DLG1: variants seen among roughly 807,000 people sequenced by gnomAD.
DLG1 encodes discs large MAGUK scaffold protein 1, also known as disks large homolog 1.
DLG1 carries 42 observed loss-of-function variants against 123.4 expected under a neutral mutation model. The observed-to-expected ratio is 0.34, with a 90% CI of 0.27 to 0.44. The LOEUF (loss-of-function observed/expected upper bound fraction) is 0.44, where lower values mean the gene tolerates loss of function less well. DLG1 is among the 20% of genes least tolerant of loss of function. The probability of loss-of-function intolerance (pLI) is 1.00; values close to 1 mark genes in which losing one functional copy is unlikely to be tolerated. For synonymous variants in DLG1, 317 were observed against 356.2 expected (o/e 0.89, Z 1.24); for missense variants, 942 against 1,082.6 (o/e 0.87, Z 1.82).
rs983465160 is a variant in DLG1, at chr3:197,081,073, T to C, written c.1883A>G (p.Asn628Ser). Reference protein sequence around the residue: ...ERARLKTVKFNSKTRDKGQSF... With the variant: ...ERARLKTVKFSSKTRDKGQSF... ...CACCCCTTTATCTCTCGTTTTAGAA[T>C]TGAATTTCACTGTTTTTAATCGGGC... Residue 628 changes from asparagine to serine, a missense_variant, in exon 17 of 25, where the codon AAT (asparagine) becomes AGT (serine). Physicochemically the swap from Asn to Ser is conservative, Grantham distance 46 (BLOSUM62 1). Transcript: ENST00000667157. 5 of 1,613,296 alleles carry C rather than the reference T, an allele frequency of 3.1e-6. No homozygotes were observed. Among genetic ancestry groups the C allele is most frequent in the Non-Finnish European group, 2.5e-6 (3 of 1,179,622 alleles).
chr3:197,115,914 T>C lies in DLG1; in HGVS notation c.1443+13A>G. The C allele has an allele frequency of 6.2e-7, 1 of 1,606,566 alleles. No homozygotes were observed. The stretch of plus-strand genomic sequence containing the variant: ...AAAATAACAAAAACGTGATCTTGAC[T>C]AACGTGTCTTACCGATATAATACGA... On this transcript the variant is annotated intron_variant, in intron 13 of 24. Coordinates refer to ENST00000667157, the MANE Select transcript of DLG1 (RefSeq NM_001366207.1).
At chr3:197,224,030 C>T (rs943790331) in intron 4 of DLG1, among the ~76,000 whole-genome samples, 1 of 152,140 alleles carries the variant, frequency 6.6e-6, no homozygotes, top group African/African-American at 2.4e-5. Context: ...CAAAATAACC[C>T]ACTTCTTTTT....
At chr3:197,204,921 C>T (rs530809496) in intron 4 of DLG1, among the ~76,000 whole-genome samples, 2 of 152,134 alleles carry the variant, frequency 1.3e-5, no homozygotes, top group East Asian at 1.9e-4. Context: ...TAAAAATCCC[C>T]GAAACCACTG....
In DLG1 at chr3:197,171,370, C is replaced by T. The variant is rs529665876; in HGVS notation, c.484-21574G>A. Reference sequence around the variant, plus strand: ...GCAAACAGGTATCTTTCACATAAGCCGGTATAGTAAAAAACCAACAATATG... The same window carrying T: ...GCAAACAGGTATCTTTCACATAAGCTGGTATAGTAAAAAACCAACAATATG... On this transcript the variant is annotated intron_variant, in intron 5 of 24. Transcript: ENST00000667157. 3.9e-5 allele frequency among the ~76,000 whole-genome samples: 6 copies of T among 152,174 alleles called. No homozygotes were observed. The South Asian group carries it at 6.2e-4, about 16-fold the overall frequency.
intron 11 of DLG1, among the ~76,000 whole-genome samples, chr3:197,126,685 T>G (rs2149493477): frequency 6.6e-6 from 1 of 152,304 alleles, no homozygotes; most frequent in Admixed American, 6.5e-5. Context: ...AGTAGCAAGG[T>G]TCTTTTCTTT....
In DLG1 at chr3:197,194,506, C is replaced by T; in HGVS notation, c.402G>A (p.Leu134=). 1 of 1,605,210 alleles carries T rather than the reference C, an allele frequency of 6.2e-7. No homozygotes were observed. Among genetic ancestry groups the T allele is most frequent in the African/African-American group, 1.3e-5 (1 of 74,518 alleles). Residue 134 remains leucine (L), a synonymous_variant, in exon 5 of 25, where the codon TTG becomes TTA. Transcript: ENST00000667157. ...ATAAGTTCTTCTCTGAGACATGAACCAATTCTGGACCTATCACTTCATTTG... is the reference window on the plus strand; with the variant it reads ...ATAAGTTCTTCTCTGAGACATGAACTAATTCTGGACCTATCACTTCATTTG... ...QITNEVIGPE[L]VHVSEKNLSE...
chr3:197,066,644 C>A, intron 20 of DLG1, 60 bp downstream of exon 20: 5 of 1,322,312 alleles, frequency 3.8e-6, no homozygotes, highest in Non-Finnish European at 4.2e-6. Context: ...AATTTTTTTC[C>A]CCCAAATTAA....
intron 14 of DLG1, among the ~76,000 whole-genome samples, chr3:197,103,058 CATT>C (rs964744961): frequency 2.6e-4 from 40 of 152,274 alleles, no homozygotes; most frequent in African/African-American, 8.9e-4. Context: ...AACCAAACCA[CATT>C]ATGAGTGAAA....
intron 13 of DLG1, among the ~76,000 whole-genome samples, chr3:197,112,230 TA>T (rs1332835928): frequency 6.6e-6 from 1 of 152,222 alleles, no homozygotes; most frequent in African/African-American, 2.4e-5. Flanking sequence ...TATCTAGGCA[TA>T]ATCAATCTTC....
chr3:197,258,596 G>GAA (rs1757945201), intron 4 of DLG1, among the ~76,000 whole-genome samples: 1 of 152,078 alleles, frequency 6.6e-6, no homozygotes, highest in Non-Finnish European at 1.5e-5. Context: ...ATTTCACTTG[G>GAA]AAAGGTGTTT....
chr3:197,137,693 G>C (rs1211996359), intron 9 of DLG1, among the ~76,000 whole-genome samples: 1 of 152,146 alleles, frequency 6.6e-6, no homozygotes, highest in Non-Finnish European at 1.5e-5. Context: ...TTTTGGGCCA[G>C]GTGCAGTGGC....
At chr3:197,093,756 T>C (rs1044111791) in intron 14 of DLG1, among the ~76,000 whole-genome samples, 1 of 152,198 alleles carries the variant, frequency 6.6e-6, no homozygotes, top group Non-Finnish European at 1.5e-5. Context: ...TCCTGTCTTA[T>C]TTATTCAAGC....
intron 9 of DLG1, among the ~76,000 whole-genome samples, chr3:197,137,831 G>T (rs1370332423): frequency 6.6e-6 from 1 of 151,858 alleles, no homozygotes; most frequent in Non-Finnish European, 1.5e-5. Context: ...AATCAGCCCA[G>T]TGTGGTGGTG....
intron 16 of DLG1, among the ~76,000 whole-genome samples, chr3:197,082,615 G>A (rs1298619743): frequency 6.6e-6 from 1 of 152,150 alleles, no homozygotes; most frequent in African/African-American, 2.4e-5. Context: ...GCCAAGAATT[G>A]TAGGAATTAC....
intron 4 of DLG1, among the ~76,000 whole-genome samples, chr3:197,204,360 A>G (rs1195281060): frequency 6.6e-6 from 1 of 152,250 alleles, no homozygotes; most frequent in East Asian, 1.9e-4. Context: ...AAAAGCTGCT[A>G]CAGGACCAAC....
intron 5 of DLG1, among the ~76,000 whole-genome samples, chr3:197,193,880 C>T (rs959758085): frequency 1.3e-5 from 2 of 150,546 alleles, no homozygotes; most frequent in African/African-American, 4.9e-5. Flanking sequence ...AGTGCAGTGG[C>T]GTAATCTAGG....
intron 13 of DLG1, 93 bp from the exon 14 acceptor site, chr3:197,105,098 A>C: frequency 1.4e-6 from 1 of 720,464 alleles, no homozygotes; most frequent in Non-Finnish European, 2.2e-6. Context: ...TGTATTAAAA[A>C]ATTAGTTGCA....
intron 5 of DLG1, among the ~76,000 whole-genome samples, chr3:197,186,236 G>A (rs1052034219): frequency 6.6e-6 from 1 of 152,158 alleles, no homozygotes; most frequent in Non-Finnish European, 1.5e-5. Flanking sequence ...GGAGGTGGAA[G>A]GCGGAAGGCA....
intron 14 of DLG1, among the ~76,000 whole-genome samples, chr3:197,102,240 G>T (rs1375340603): frequency 2.0e-5 from 3 of 152,072 alleles, no homozygotes; most frequent in Non-Finnish European, 4.4e-5. Context: ...TACACAAGCT[G>T]AAAAACCCAT....
Sources: gnomAD v4.1 joint callset for allele counts (sites outside exome capture counted in the v4.1 genomes callset) on GRCh38, gnomAD v4.1.1 for gene constraint, MANE v1.5 for transcripts, NCBI Gene and HGNC (gene_info 2026-07-23, HGNC 2026-07-21) for gene names.